The following SLC11A2 variants were observed in gnomAD, a reference collection of about 807,000 sequenced individuals.
The protein encoded by SLC11A2 is solute carrier family 11 member 2.
A neutral mutation model predicts 68.0 loss-of-function variants in SLC11A2; 38 were observed. The observed-to-expected ratio is 0.56, with a 90% CI of 0.43 to 0.73. SLC11A2 has a LOEUF of 0.73. Ranked by LOEUF, SLC11A2 falls within the 30% of genes least tolerant of loss-of-function variation. SLC11A2 has a pLI of 0.00. For missense variants in SLC11A2, 517 were observed against 690.5 expected (o/e 0.75, Z 2.82); for synonymous variants, 242 against 250.6 (o/e 0.97, Z 0.32).
the SLC11A2 span, among the ~76,000 whole-genome samples, chr12:50,969,880 G>T: frequency 6.6e-6 from 1 of 152,032 alleles, no homozygotes; most frequent in Non-Finnish European, 1.5e-5. Context: ...TTGCTTTTGG[G>T]TGAGAACATT....
At chr12:50,958,533 G>A in the SLC11A2 span, among the ~76,000 whole-genome samples, 358 of 151,494 alleles carry the variant, frequency 2.4e-3, 1 homozygote, top group African/African-American at 8.0e-3. Context: ...CGCCCGCCTC[G>A]GCCTCCCAAA....
intron 15 of SLC11A2, 34 bp from the exon 16 acceptor site, chr12:50,988,469 C>T (rs1424753358): frequency 2.4e-5 from 38 of 1,613,198 alleles, no homozygotes; most frequent in Middle Eastern, 1.6e-4. Context: ...ACTCACCAGG[C>T]TCTTTGAAGA....
chr12:51,010,685 G>A lies in SLC11A2; in HGVS notation c.34+10C>T, dbSNP rs17222505. 5.2e-5 allele frequency: 77 copies of A among 1,481,014 alleles called. No homozygotes were observed. Among genetic ancestry groups the A allele is most frequent in the Middle Eastern group, 3.4e-4 (2 of 5,900 alleles). The allele number at this position is 1,481,014 out of a possible 1,614,324, so 91.7% of individuals were successfully genotyped here. On this transcript the variant is annotated intron_variant, in intron 2 of 15. Coordinates refer to ENST00000262052, the MANE Select transcript of SLC11A2 (RefSeq NM_000617.3). ...ATAAAATTAGACAATAACACAAAGC[G>A]GTAAATTACCATCTGACATCTTCTG...
chr12:51,026,006 T>G, intron 1 of SLC11A2: 1 of 1,023,692 alleles, frequency 9.8e-7, no homozygotes, highest in Non-Finnish European at 1.2e-6. Context: ...CGCCATCCGG[T>G]GCAGCTGGGA....
the SLC11A2 span, among the ~76,000 whole-genome samples, chr12:50,957,937 G>GGAGT: frequency 7.6e-6 from 1 of 132,408 alleles, no homozygotes; most frequent in Non-Finnish European, 1.6e-5. Flanking sequence ...ATGAATTGGA[G>GGAGT]GTGTGTGTGT....
intron 8 of SLC11A2, among the ~76,000 whole-genome samples, chr12:50,997,416 A>G (rs1462776825): frequency 2.0e-5 from 3 of 152,162 alleles, no homozygotes; most frequent in African/African-American, 7.2e-5. Context: ...ATTTCTAAAG[A>G]AAGGGCTGGG....
downstream of SLC11A2, among the ~76,000 whole-genome samples, chr12:50,974,559 T>G (rs944026115): frequency 7.2e-5 from 11 of 152,074 alleles, 1 homozygote; most frequent in African/African-American, 9.7e-5. Flanking sequence ...AGACCATCGA[T>G]GCTAGGAAGA....
downstream of SLC11A2, among the ~76,000 whole-genome samples, chr12:50,978,538 T>C (rs1939883938): frequency 6.7e-6 from 1 of 149,922 alleles, no homozygotes; most frequent in Non-Finnish European, 1.5e-5. Context: ...ATATACCTAA[T>C]GTAAATGACG....
At chr12:50,960,973 G>C in the SLC11A2 span, 1 of 1,582,854 alleles carries the variant, frequency 6.3e-7, no homozygotes, top group Non-Finnish European at 8.6e-7. Context: ...CACAGGTATA[G>C]CAGGCTTTGT....
intron 11 of SLC11A2, among the ~76,000 whole-genome samples, chr12:50,993,992 C>CA (rs71663850): frequency 0.013 from 607 of 48,358 alleles, 13 homozygotes; most frequent in African/African-American, 0.036. Flanking sequence ...ACCTTGTCTC[C>CA]AAAAAAAAAA....
chr12:51,019,947 A>G (rs1371985660), intron 1 of SLC11A2, among the ~76,000 whole-genome samples: 3 of 152,254 alleles, frequency 2.0e-5, no homozygotes, highest in Non-Finnish European at 2.9e-5. Flanking sequence ...GCCCAGCCCA[A>G]TTAGTTCTAA....
At chr12:51,017,617 A>T (rs1272855636) in intron 1 of SLC11A2, among the ~76,000 whole-genome samples, 2 of 152,186 alleles carry the variant, frequency 1.3e-5, no homozygotes, top group African/African-American at 4.8e-5. Context: ...TTGCCTTATA[A>T]AAAATGTCAA....
downstream of SLC11A2, among the ~76,000 whole-genome samples, chr12:50,979,076 C>G (rs1592280469): frequency 6.6e-6 from 1 of 152,270 alleles, no homozygotes; most frequent in Middle Eastern, 3.4e-3. Flanking sequence ...TAAGTGAATG[C>G]ACTCAGGTTA....
At chr12:50,992,468 C>T (rs367629457) in intron 12 of SLC11A2, 129 bp from the exon 13 acceptor site, 23 of 840,052 alleles carry the variant, frequency 2.7e-5, no homozygotes, top group Middle Eastern at 3.5e-4. Context: ...CAGTGGCTCA[C>T]GCCTGTAATC....
the SLC11A2 span, among the ~76,000 whole-genome samples, chr12:50,969,521 G>A: frequency 3.9e-5 from 6 of 152,070 alleles, no homozygotes; most frequent in East Asian, 5.8e-4. Flanking sequence ...CCAACATGGC[G>A]AAACGCTGTC....
At chr12:50,966,201 G>A in the SLC11A2 span, among the ~76,000 whole-genome samples, 1 of 152,092 alleles carries the variant, frequency 6.6e-6, no homozygotes, top group Admixed American at 6.6e-5. Flanking sequence ...AATTTAGGGA[G>A]CCCAGCAGTT....
intron 6 of SLC11A2, 67 bp from the exon 7 acceptor site, chr12:50,999,482 T>G: frequency 3.6e-5 from 45 of 1,252,372 alleles, no homozygotes; most frequent in Non-Finnish European, 5.1e-5. Context: ...AAACACTCTC[T>G]TCCCAACAGC....
chr12:50,996,447 C>T (rs544158312), intron 9 of SLC11A2, among the ~76,000 whole-genome samples: 4 of 152,116 alleles, frequency 2.6e-5, no homozygotes, highest in African/African-American at 7.2e-5. Context: ...TGGTGGTGCA[C>T]GCCTATAATC....
At chr12:50,995,272 G>A (rs1189541592) in intron 10 of SLC11A2, among the ~76,000 whole-genome samples, 1 of 152,148 alleles carries the variant, frequency 6.6e-6, no homozygotes. Context: ...CTGTGCCACT[G>A]CACTCCAGCT....
Sources: gnomAD v4.1 joint callset for allele counts (sites outside exome capture counted in the v4.1 genomes callset) on GRCh38, gnomAD v4.1.1 for gene constraint, MANE v1.5 for transcripts, NCBI Gene and HGNC (gene_info 2026-07-23, HGNC 2026-07-21) for gene names.